The following ARNT2 variants were observed in gnomAD, a reference collection of about 807,000 sequenced individuals.
ARNT2 encodes the protein ARNT protein 2.
In ARNT2, 36 loss-of-function variants were observed where a neutral mutation model predicts 91.7. The ratio of observed to expected loss-of-function variants is 0.39; its 90% CI spans 0.30 to 0.52. ARNT2 has a LOEUF of 0.52. Among genes scored for constraint, ARNT2 ranks in the 20% least tolerant of loss-of-function variants. The probability of loss-of-function intolerance (pLI) is 0.72; values close to 1 mark genes in which losing one functional copy is unlikely to be tolerated. For missense variants in ARNT2, 775 were observed against 939.3 expected (o/e 0.83, Z 2.29); for synonymous variants, 365 against 347.1 (o/e 1.05, Z -0.57).
At chr15:80,411,351 C>T (rs565801513) in intron 1 of ARNT2, among the ~76,000 whole-genome samples, 34 of 152,262 alleles carry the variant, frequency 2.2e-4, no homozygotes, top group African/African-American at 7.7e-4. Flanking sequence ...AATAGATACC[C>T]AGTAGGGTTT....
Position 80,526,630 on chromosome 15 carries a change from G to A in ARNT2, c.877+12225G>A, listed in dbSNP as rs142296778. ...TCCCACCAGACCATCTGGGTCAGGAGGAGGTTCGGGTGTTGGCTCCCTTGT... is the reference window on the plus strand; with the variant it reads ...TCCCACCAGACCATCTGGGTCAGGAAGAGGTTCGGGTGTTGGCTCCCTTGT... On this transcript the variant is annotated intron_variant, in intron 8 of 18. Coordinates refer to ENST00000303329, the MANE Select transcript of ARNT2 (RefSeq NM_014862.4). Among the ~76,000 whole-genome samples, 178 of 152,326 alleles carry A rather than the reference G, an allele frequency of 1.2e-3. 1 individual carries two copies. The highest frequency in any genetic ancestry group is 4.1e-3 in the African/African-American group (172 of 41,580).
intron 1 of ARNT2, among the ~76,000 whole-genome samples, chr15:80,418,956 G>A (rs573007333): frequency 6.6e-6 from 1 of 152,184 alleles, no homozygotes; most frequent in Non-Finnish European, 1.5e-5. Flanking sequence ...ACACTGGGTG[G>A]AAAGAATGAC....
intron 13 of ARNT2, 27 bp downstream of exon 13, chr15:80,574,247 G>C: frequency 1.2e-6 from 2 of 1,606,256 alleles, no homozygotes; most frequent in South Asian, 1.1e-5. Context: ...CCCTTTCCCT[G>C]TTGGAATTGT....
At chr15:80,573,942 G>A (rs1476966079) in intron 12 of ARNT2, 1 of 561,346 alleles carries the variant, frequency 1.8e-6, no homozygotes, top group East Asian at 2.9e-5. Context: ...TTCTTAAATA[G>A]TTGAGTTTGG....
intron 8 of ARNT2, among the ~76,000 whole-genome samples, chr15:80,550,292 G>C (rs1898060896): frequency 6.6e-6 from 1 of 152,142 alleles, no homozygotes; most frequent in Admixed American, 6.5e-5. Flanking sequence ...CATTTCTCCG[G>C]CTCACAAAAC....
intron 4 of ARNT2, among the ~76,000 whole-genome samples, chr15:80,470,992 C>T (rs879318911): frequency 6.6e-6 from 1 of 152,232 alleles, no homozygotes; most frequent in Non-Finnish European, 1.5e-5. Context: ...GAGCTAAAAA[C>T]GGAAATACCA....
chr15:80,458,408 CT>C (rs1304512958), intron 3 of ARNT2, among the ~76,000 whole-genome samples: 2 of 152,074 alleles, frequency 1.3e-5, no homozygotes, highest in Non-Finnish European at 2.9e-5. Flanking sequence ...CAAGATAAGT[CT>C]TTTATTGCTA....
At position 80,591,778 on chromosome 15, in the gene ARNT2, C is replaced by G; in HGVS notation, c.2055+74C>G. On this transcript the variant is annotated intron_variant, in intron 18 of 18. Coordinates refer to ENST00000303329, the MANE Select transcript of ARNT2 (RefSeq NM_014862.4). This position sits in a 1 kb window ranked among gnomAD's most constrained non-coding sequence, Gnocchi z 5.1. The stretch of plus-strand genomic sequence containing the variant: ...TGCTTCCTTTCCCCCTCGGTCTCTG[C>G]CGCACCACCGCCTGCCCGATAGCCG... The G allele has an allele frequency of 6.3e-7, 1 of 1,586,690 alleles. No individual in the cohort carries two copies. Among genetic ancestry groups the G allele is most frequent in the East Asian group, 2.2e-5 (1 of 44,464 alleles).
chr15:80,519,685 T>C (rs1412580459), intron 8 of ARNT2, among the ~76,000 whole-genome samples: 1 of 98,834 alleles, frequency 1.0e-5, no homozygotes, highest in African/African-American at 6.4e-5. Context: ...GGTATGTAGC[T>C]TTTTTTTTTT....
At chr15:80,443,597 G>A (rs1896229677) in intron 1 of ARNT2, among the ~76,000 whole-genome samples, 1 of 152,210 alleles carries the variant, frequency 6.6e-6, no homozygotes, top group African/African-American at 2.4e-5. Flanking sequence ...CACCTAGGAG[G>A]ACACATATGA....
At chr15:80,574,836 A>G in intron 13 of ARNT2, 151 bp from the exon 14 acceptor site, 1 of 1,007,548 alleles carries the variant, frequency 9.9e-7, no homozygotes, top group South Asian at 1.9e-5. Flanking sequence ...ACATATAGAA[A>G]AGCTTCCCAC....
intron 11 of ARNT2, among the ~76,000 whole-genome samples, chr15:80,560,543 G>A (rs1898318714): frequency 6.6e-6 from 1 of 152,136 alleles, no homozygotes; most frequent in African/African-American, 2.4e-5. Context: ...TGCCTTCTGT[G>A]TGCTAGTTGC....
chr15:80,519,659 G>T (rs1314825608), intron 8 of ARNT2, among the ~76,000 whole-genome samples: 4 of 149,710 alleles, frequency 2.7e-5, no homozygotes, highest in African/African-American at 9.8e-5. Context: ...ATTTCCTTAT[G>T]AACAAATTGT....
chr15:80,528,366 T>G (rs1236301935), intron 8 of ARNT2, among the ~76,000 whole-genome samples: 1 of 148,768 alleles, frequency 6.7e-6, no homozygotes, highest in Non-Finnish European at 1.5e-5. Context: ...ATTTGACCAT[T>G]TATCTATCTA....
chr15:80,551,047 T>A, intron 8 of ARNT2, 152 bp from the exon 9 acceptor site: 1 of 662,224 alleles, frequency 1.5e-6, no homozygotes. Context: ...AGGAACTGAG[T>A]GAGGAACTGG....
At chr15:80,553,259 G>A (rs74385783) in intron 10 of ARNT2, among the ~76,000 whole-genome samples, 1 of 152,172 alleles carries the variant, frequency 6.6e-6, no homozygotes, top group South Asian at 2.1e-4. Context: ...GGCAGGAGCA[G>A]TTGTCCCAGA....
In ARNT2 at chr15:80,574,662, T is replaced by A. The variant is rs144171800; in HGVS notation, c.1390-325T>A. On this transcript the variant is annotated intron_variant, in intron 13 of 18. Transcript: ENST00000303329. Reference sequence around the variant, plus strand: ...CTTCACCGGCTCTGTCTCCTTTCCTTCTCCTATCTCCACATGATGTCCACT... The same window carrying A: ...CTTCACCGGCTCTGTCTCCTTTCCTACTCCTATCTCCACATGATGTCCACT... Among the ~76,000 whole-genome samples the A allele has an allele frequency of 1.3e-3, 201 of 152,238 alleles. 1 individual carries two copies. The highest frequency in any genetic ancestry group is 4.6e-3 in the African/African-American group (191 of 41,524).
At chr15:80,535,989 C>T (rs1897816953) in intron 8 of ARNT2, among the ~76,000 whole-genome samples, 1 of 152,190 alleles carries the variant, frequency 6.6e-6, no homozygotes, top group Admixed American at 6.5e-5. Context: ...CTTCTTGTTT[C>T]TCTCTGCATG....
chr15:80,468,082 C>T lies in ARNT2; in HGVS notation c.195-2136C>T, dbSNP rs145042360. ...CGAGTCAACAAGCCCTGCCTGATTA[C>T]GCAGCAGCAGTTTCTCCTGGAGAGT... On this transcript the variant is annotated intron_variant, in intron 3 of 18. Coordinates refer to ENST00000303329, the MANE Select transcript of ARNT2 (RefSeq NM_014862.4). 6.2e-3 allele frequency among the ~76,000 whole-genome samples: 949 copies of T among 152,226 alleles called. 8 individuals carry two copies. Among genetic ancestry groups the T allele is most frequent in the African/African-American group, 0.022 (894 of 41,536 alleles).
Sources: gnomAD v4.1 joint callset for allele counts (sites outside exome capture counted in the v4.1 genomes callset) on GRCh38, gnomAD v4.1.1 for gene constraint, Gnocchi (gnomAD v3.1) non-coding constraint, MANE v1.5 for transcripts, NCBI Gene and HGNC (gene_info 2026-07-23, HGNC 2026-07-21) for gene names.